Variants in CCT3 observed in about 807,000 individuals in gnomAD.
CCT3 encodes chaperonin containing TCP1 subunit 3.
In CCT3, 10 loss-of-function variants were observed where a neutral mutation model predicts 65.3. The ratio of observed to expected loss-of-function variants is 0.15; its 90% CI spans 0.09 to 0.26. CCT3 has a LOEUF of 0.26. CCT3 is among the 10% of genes least tolerant of loss of function. CCT3 has a pLI of 1.00. For synonymous variants in CCT3, 225 were observed against 242.3 expected (o/e 0.93, Z 0.66); for missense variants, 626 against 708.7 (o/e 0.88, Z 1.33).
At chr1:156,319,273 C>T (rs1003861453) in intron 7 of CCT3, among the ~76,000 whole-genome samples, 44 of 142,814 alleles carry the variant, frequency 3.1e-4, no homozygotes, top group Non-Finnish European at 6.0e-4. Context: ...CCACCACACC[C>T]GGCTAATTTT....
At chr1:156,310,438 G>A (rs1454395605) in intron 13 of CCT3, 120 bp downstream of exon 13, 1 of 626,660 alleles carries the variant, frequency 1.6e-6, no homozygotes, top group Non-Finnish European at 2.3e-6. Flanking sequence ...AGATTGCAGT[G>A]AGCCGAGATC....
chr1:156,321,594 C>A (rs1447168456), intron 6 of CCT3, among the ~76,000 whole-genome samples: 2 of 152,170 alleles, frequency 1.3e-5, no homozygotes, highest in African/African-American at 2.4e-5. Context: ...TCTTTTTTGG[C>A]TGTGCACGGT....
chr1:156,323,386 C>T (rs1664651716), intron 6 of CCT3, among the ~76,000 whole-genome samples: 1 of 150,958 alleles, frequency 6.6e-6, no homozygotes, highest in South Asian at 2.1e-4. Flanking sequence ...TCTAGTGACT[C>T]AACCATATGA....
chr1:156,320,759 A>G lies in CCT3; in HGVS notation c.609+80T>C, dbSNP rs1664517676. 1.9e-5 allele frequency: 20 copies of G among 1,068,156 alleles called. No individual in the cohort carries two copies. In the South Asian group the frequency reaches 3.0e-4, roughly 16 times the overall value. 66.2% of individuals were successfully genotyped at this position (1,068,156 alleles called of 1,614,324 possible). The stretch of plus-strand genomic sequence containing the variant: ...AAAACAAAACAAAACAACGGCATGA[A>G]AAACAGACTATTTCCTCACAAGTGA... On this transcript the variant is annotated intron_variant, in intron 7 of 13. Coordinates refer to ENST00000295688, the MANE Select transcript of CCT3 (RefSeq NM_005998.5).
intron 5 of CCT3, among the ~76,000 whole-genome samples, chr1:156,330,584 C>T (rs1269656820): frequency 1.3e-5 from 2 of 151,928 alleles, no homozygotes; most frequent in Non-Finnish European, 2.9e-5. Flanking sequence ...GAATCACGAG[C>T]CCAGGAGGCA....
intron 5 of CCT3, among the ~76,000 whole-genome samples, chr1:156,327,436 G>A (rs1001896307): frequency 4.3e-4 from 66 of 151,770 alleles, no homozygotes; most frequent in African/African-American, 1.5e-3. Flanking sequence ...GATTGCAGGC[G>A]CGCGCCGCCA....
intron 5 of CCT3, among the ~76,000 whole-genome samples, chr1:156,329,610 C>A (rs531855377): frequency 6.6e-6 from 1 of 151,338 alleles, no homozygotes; most frequent in Non-Finnish European, 1.5e-5. Context: ...CAGCCCATAT[C>A]CCCATCATTA....
At chr1:156,323,487 T>C (rs12757481) in intron 6 of CCT3, among the ~76,000 whole-genome samples, 116,097 of 152,040 alleles carry the variant, frequency 0.76, 44,531 homozygotes, top group Admixed American at 0.79. Flanking sequence ...ATTTTTGAGA[T>C]GGAGTCTCGC....
chr1:156,310,521 A>G, intron 13 of CCT3, 37 bp downstream of exon 13: 1 of 1,453,082 alleles, frequency 6.9e-7, no homozygotes. Flanking sequence ...TAAATAAATT[A>G]ATTAAAACAG....
chr1:156,333,329 G>C, intron 5 of CCT3: 1 of 470,014 alleles, frequency 2.1e-6, no homozygotes, highest in Non-Finnish European at 3.8e-6. Flanking sequence ...AACTTACAGT[G>C]AATAAAGAGA....
intron 5 of CCT3, among the ~76,000 whole-genome samples, chr1:156,325,667 T>C (rs933534305): frequency 2.0e-5 from 3 of 150,362 alleles, no homozygotes; most frequent in African/African-American, 7.4e-5. Context: ...AACCTCCGCC[T>C]CCCAGATTCA....
intron 5 of CCT3, chr1:156,332,741 T>C (rs1665155979): frequency 1.3e-5 from 2 of 152,258 alleles, no homozygotes; most frequent in Non-Finnish European, 2.9e-5. Flanking sequence ...TGCTAGCTAA[T>C]GCTTCTATGT....
At chr1:156,323,415 GA>G (rs201090906) in intron 6 of CCT3, among the ~76,000 whole-genome samples, 34,607 of 148,588 alleles carry the variant, frequency 0.23, 4,702 homozygotes, top group Non-Finnish European at 0.3. Flanking sequence ...TTTAAATAAA[GA>G]AAAAAAAAAC....
Position 156,312,214 on chromosome 1 carries a change from C to A in CCT3, c.982G>T (p.Gly328Trp). ...TDNNRIARAC[G>W]ARIVSRPEEL... ...TCTGGTCGGCTGACTATCCGGGCCC[C>A]ACAGGCTCTAATGGACGGAAGAGGT... The change falls in exon 11 of 14, where the codon GGG becomes TGG. Residue 328 changes from glycine to tryptophan, a missense_variant. Transcript: ENST00000295688. 6.2e-7 allele frequency: 1 copy of A among 1,613,954 alleles called. No homozygotes were observed.
In CCT3 at chr1:156,325,040, G is replaced by A. The variant is rs751141406; in HGVS notation, c.354C>T (p.His118=). Residue 118 remains histidine, a synonymous_variant, in exon 6 of 14, where the codon CAC becomes CAT. Transcript: ENST00000295688. ...GGTAAGCACTGATCACCACTGTTGG[G>A]TGCATCTGCTGCTCCAGGAAGTGCT... The part of the protein sequence containing the change: ...VAEHFLEQQM[H]PTVVISAYRK... 66 of 1,613,528 alleles carry A rather than the reference G, an allele frequency of 4.1e-5. No homozygotes were observed. The highest frequency in any genetic ancestry group is 1.3e-4 in the South Asian group (12 of 91,084).
rs183356521 is a variant in CCT3, at chr1:156,311,299, A to G, written c.1156-104T>C. ...TGCCAAAGTTAGTAAACCACCAAGG[A>G]GGGCAACTAGAAAAGGTCCTTGGAA... is the stretch of plus-strand genomic sequence containing the variant. On this transcript the variant is annotated intron_variant, in intron 11 of 13. Coordinates refer to ENST00000295688, the MANE Select transcript of CCT3 (RefSeq NM_005998.5). The G allele has an allele frequency of 2.0e-4, 233 of 1,154,146 alleles. No homozygotes were observed. The African/African-American group carries it at 3.1e-3, about 15-fold the overall frequency. The allele number at this position is 1,154,146 out of a possible 1,614,324, so 71.5% of individuals were successfully genotyped here.
intron 1 of CCT3, chr1:156,337,462 C>A (rs750643584): frequency 1.7e-5 from 3 of 172,230 alleles, no homozygotes; most frequent in Non-Finnish European, 2.5e-5. Context: ...GGTGACCAGT[C>A]GAGAAATCTG....
At chr1:156,324,100 C>A (rs1320835116) in intron 6 of CCT3, among the ~76,000 whole-genome samples, 1 of 150,370 alleles carries the variant, frequency 6.7e-6, no homozygotes, top group African/African-American at 2.5e-5. Flanking sequence ...CAGAGTCTCA[C>A]TCTGTCACCC....
At chr1:156,322,066 T>C (rs187754322) in intron 6 of CCT3, among the ~76,000 whole-genome samples, 6 of 152,172 alleles carry the variant, frequency 3.9e-5, no homozygotes, top group African/African-American at 1.4e-4. Context: ...CTGGGCAACA[T>C]AGCAAAACCT....
Sources: gnomAD v4.1 joint callset for allele counts (sites outside exome capture counted in the v4.1 genomes callset) on GRCh38, gnomAD v4.1.1 for gene constraint, MANE v1.5 for transcripts, NCBI Gene and HGNC (gene_info 2026-07-23, HGNC 2026-07-21) for gene names.